TSPAN7: variants seen among roughly 807,000 people sequenced by gnomAD.
The protein encoded by TSPAN7 is tetraspanin-7.
A neutral mutation model predicts 17.6 loss-of-function variants in TSPAN7; 1 was observed. That is an observed-to-expected ratio of 0.06 (90% CI 0.02 to 0.27). The LOEUF (loss-of-function observed/expected upper bound fraction) is 0.27, where lower values mean the gene tolerates loss of function less well. TSPAN7 is among the 10% of genes least tolerant of loss of function. The probability of loss-of-function intolerance (pLI) is 1.00; values close to 1 mark genes in which losing one functional copy is unlikely to be tolerated. For missense variants in TSPAN7, 112 were observed against 201.7 expected (o/e 0.56, Z 2.69); for synonymous variants, 78 against 79.0 (o/e 0.99, Z 0.07).
chrX:38,634,511 G>A (rs2069568645), intron 1 of TSPAN7, among the ~76,000 whole-genome samples: 1 of 111,902 alleles, frequency 8.9e-6, no homozygotes, highest in South Asian at 3.7e-4. Flanking sequence ...TTAGGACTGT[G>A]ACCTTGCTGG....
intron 3 of TSPAN7, among the ~76,000 whole-genome samples, chrX:38,673,334 C>T (rs1482249320): frequency 2.8e-5 from 3 of 107,573 alleles, no homozygotes; most frequent in Non-Finnish European, 5.8e-5. Flanking sequence ...ACCCCAAAGT[C>T]AAATGTGGTA....
At chrX:38,584,540 C>T (rs149289401) in intron 1 of TSPAN7, among the ~76,000 whole-genome samples, 123 of 111,906 alleles carry the variant, frequency 1.1e-3, no homozygotes, top group African/African-American at 4.0e-3. Context: ...TCATCTCAAA[C>T]GTGTGGAGTT....
In TSPAN7 at chrX:38,672,472, C is replaced by G. The variant is rs935176435; in HGVS notation, c.345+1022C>G. On this transcript the variant is annotated intron_variant, in intron 3 of 7. Transcript: ENST00000378482. ...TTCCCCTTTACCAAAGACAGTATCCCAGATGCCAAAGCTGATTCCCAGAAC... is the reference window on the plus strand; with the variant it reads ...TTCCCCTTTACCAAAGACAGTATCCGAGATGCCAAAGCTGATTCCCAGAAC... Among the ~76,000 whole-genome samples the G allele has an allele frequency of 2.7e-5, 3 of 110,778 alleles. No individual in the cohort carries two copies. In the South Asian group the frequency reaches 1.2e-3, roughly 44 times the overall value.
Position 38,573,955 on chromosome X carries a change from A to G in TSPAN7, c.81+12328A>G, listed in dbSNP as rs953586500. Among the ~76,000 whole-genome samples the G allele has an allele frequency of 9.0e-5, 10 of 111,713 alleles. No homozygotes were observed. The East Asian group carries it at 2.8e-3, about 31-fold the overall frequency. On this transcript the variant is annotated intron_variant, in intron 1 of 7. Coordinates refer to ENST00000378482, the MANE Select transcript of TSPAN7 (RefSeq NM_004615.4). The stretch of plus-strand genomic sequence containing the variant: ...TTGACTTTGATCACCGGGGTGAGAT[A>G]ATTTGTCAGGTTTCTCCACCGTAAA...
At chrX:38,669,436 C>T (rs1480967725) in intron 2 of TSPAN7, among the ~76,000 whole-genome samples, 1 of 111,756 alleles carries the variant, frequency 8.9e-6, no homozygotes, top group Non-Finnish European at 1.9e-5. Context: ...GATTTGAACC[C>T]TTGTATGTTT....
chrX:38,562,052 A>G (rs1393424958), intron 1 of TSPAN7, among the ~76,000 whole-genome samples: 1 of 111,713 alleles, frequency 9.0e-6, no homozygotes, highest in African/African-American at 3.3e-5. Flanking sequence ...GTGGCGGGCT[A>G]GGAGAGGACA....
intron 1 of TSPAN7, among the ~76,000 whole-genome samples, chrX:38,649,542 A>C (rs1356378793): frequency 9.0e-6 from 1 of 111,245 alleles, no homozygotes; most frequent in East Asian, 2.8e-4. Context: ...GCCTCCTGAG[A>C]ATTGCCAGTA....
At chrX:38,666,967 G>A (rs953754159) in intron 2 of TSPAN7, among the ~76,000 whole-genome samples, 4 of 112,062 alleles carry the variant, frequency 3.6e-5, no homozygotes, top group Admixed American at 9.4e-5. Context: ...AGCTTTGGTG[G>A]CAAGGCAGCA....
intron 4 of TSPAN7, 75 bp from the exon 5 acceptor site, chrX:38,675,630 A>T: frequency 1.7e-6 from 2 of 1,158,212 alleles, no homozygotes; most frequent in Non-Finnish European, 2.3e-6. Flanking sequence ...TCTCTTATAA[A>T]AGTCACAAGG....
At chrX:38,565,825 T>C (rs180792592) in intron 1 of TSPAN7, among the ~76,000 whole-genome samples, 2,920 of 111,652 alleles carry the variant, frequency 0.026, 48 homozygotes, top group Non-Finnish European at 0.039. Context: ...AAAGTGGTGG[T>C]TCTCAAAAGG....
chrX:38,636,752 T>C (rs938436481), intron 1 of TSPAN7, among the ~76,000 whole-genome samples: 3 of 110,602 alleles, frequency 2.7e-5, no homozygotes, highest in Non-Finnish European at 5.7e-5. Context: ...CTTGGCTCAC[T>C]GCAACCTCCG....
intron 6 of TSPAN7, among the ~76,000 whole-genome samples, chrX:38,681,873 A>AT (rs1485707578): frequency 8.9e-6 from 1 of 112,061 alleles, no homozygotes; most frequent in Non-Finnish European, 1.9e-5. Context: ...CTCAAAAAAA[A>AT]CAATGGGAGA....
chrX:38,680,578 TC>T (rs2069883625), intron 5 of TSPAN7, among the ~76,000 whole-genome samples: 3 of 103,517 alleles, frequency 2.9e-5, no homozygotes, highest in Admixed American at 2.1e-4. Context: ...TCTCTCTCTC[TC>T]TCTCTGGAAA....
intron 5 of TSPAN7, among the ~76,000 whole-genome samples, chrX:38,677,954 G>A (rs986906163): frequency 8.9e-6 from 1 of 112,046 alleles, no homozygotes; most frequent in Non-Finnish European, 1.9e-5. Flanking sequence ...AGAACAAGTG[G>A]ATCATCCCTG....
chrX:38,622,820 C>T, intron 1 of TSPAN7: 1 of 316,710 alleles, frequency 3.2e-6, no homozygotes, highest in Admixed American at 3.3e-5. Flanking sequence ...CCCTCTTTTT[C>T]TGATGTTGAT....
chrX:38,645,859 G>A (rs763399539), intron 1 of TSPAN7, among the ~76,000 whole-genome samples: 104 of 111,699 alleles, frequency 9.3e-4, no homozygotes, highest in Non-Finnish European at 1.5e-3. Flanking sequence ...ATAGCAATGG[G>A]AAAATTACTG....
At chrX:38,666,099 C>T (rs373739891) in intron 1 of TSPAN7, 22 bp from the exon 2 acceptor site, 6 of 1,207,068 alleles carry the variant, frequency 5.0e-6, no homozygotes, top group South Asian at 1.8e-5. Flanking sequence ...AATAGCTTCA[C>T]ACTCTCCTCT....
chrX:38,647,801 C>T (rs977438261), intron 1 of TSPAN7, among the ~76,000 whole-genome samples: 2 of 112,028 alleles, frequency 1.8e-5, no homozygotes, highest in African/African-American at 3.2e-5. Context: ...GTGGTTCCGG[C>T]AGCTTGTCAA....
At chrX:38,647,023 C>T (rs984574511) in intron 1 of TSPAN7, among the ~76,000 whole-genome samples, 3 of 111,684 alleles carry the variant, frequency 2.7e-5, no homozygotes, top group African/African-American at 9.8e-5. Flanking sequence ...ATGAGGGGTA[C>T]ACTAGGGGAG....
Sources: gnomAD v4.1 joint callset for allele counts (sites outside exome capture counted in the v4.1 genomes callset) on GRCh38, gnomAD v4.1.1 for gene constraint, MANE v1.5 for transcripts, NCBI Gene and HGNC (gene_info 2026-07-23, HGNC 2026-07-21) for gene names.